CRYL1: variants seen among roughly 807,000 people sequenced by gnomAD.
CRYL1 encodes crystallin lambda 1.
In CRYL1, 29 loss-of-function variants were observed where a neutral mutation model predicts 36.6. That is an observed-to-expected ratio of 0.79 (90% CI 0.59 to 1.08). The LOEUF is 1.08. Ranked by LOEUF, CRYL1 falls within the 50% of genes least tolerant of loss-of-function variation. CRYL1 has a pLI of 0.00. For missense variants in CRYL1, 411 were observed against 407.9 expected, an observed-to-expected ratio of 1.01 and a Z score of -0.06; for synonymous variants, 152 against 151.5, an observed-to-expected ratio of 1.00 and a Z score of -0.02.
chr13:20,449,573 A>G (rs1178130980), intron 3 of CRYL1, among the ~76,000 whole-genome samples: 2 of 152,168 alleles, frequency 1.3e-5, no homozygotes, highest in Non-Finnish European at 2.9e-5. Flanking sequence ...AACACATCAA[A>G]TAGAAGACAG....
intron 3 of CRYL1, among the ~76,000 whole-genome samples, chr13:20,445,018 T>C (rs1330458501): frequency 6.6e-6 from 1 of 152,206 alleles, no homozygotes; most frequent in Admixed American, 6.5e-5. Flanking sequence ...AACAAATCCT[T>C]TTTTATTTTT....
chr13:20,451,881 G>C (rs1266727477), intron 3 of CRYL1, among the ~76,000 whole-genome samples: 2 of 152,002 alleles, frequency 1.3e-5, no homozygotes, highest in Non-Finnish European at 2.9e-5. Context: ...AATCAACTTA[G>C]GTACCCATCA....
chr13:20,444,215 T>C (rs2032407067), intron 3 of CRYL1, among the ~76,000 whole-genome samples: 1 of 152,210 alleles, frequency 6.6e-6, no homozygotes, highest in Non-Finnish European at 1.5e-5. Context: ...TACAGGCAAC[T>C]AACTGCACTA....
At chr13:20,473,870 A>G (rs1476098551) in intron 3 of CRYL1, among the ~76,000 whole-genome samples, 1 of 152,254 alleles carries the variant, frequency 6.6e-6, no homozygotes, top group Non-Finnish European at 1.5e-5. Context: ...GAAAGTACCA[A>G]AAACACAGCA....
chr13:20,504,589 T>C (rs1565986490), intron 2 of CRYL1, among the ~76,000 whole-genome samples: 1 of 152,008 alleles, frequency 6.6e-6, no homozygotes, highest in Non-Finnish European at 1.5e-5. Context: ...TTGCTTTTCT[T>C]CTTAAAACAC....
chr13:20,477,384 C>T (rs2033187270), intron 3 of CRYL1, among the ~76,000 whole-genome samples: 1 of 151,240 alleles, frequency 6.6e-6, no homozygotes, highest in Non-Finnish European at 1.5e-5. Context: ...AAACTAGGCA[C>T]TGTTTTAGGT....
Position 20,505,359 on chromosome 13 carries a change from C to CAAAAAAAAAAAAAAAAAAAAAAAA in CRYL1, c.149+7083_149+7084insTTTTTTTTTTTTTTTTTTTTTTTT, listed in dbSNP as rs61380702. 4.6e-4 allele frequency among the ~76,000 whole-genome samples: 42 copies of CAAAAAAAAAAAAAAAAAAAAAAAA among 91,218 alleles called. 2 individuals are homozygous for CAAAAAAAAAAAAAAAAAAAAAAAA. Among genetic ancestry groups the CAAAAAAAAAAAAAAAAAAAAAAAA allele is most frequent in the Non-Finnish European group, 6.9e-4 (30 of 43,644 alleles). 59.8% of individuals were successfully genotyped at this position (91,218 alleles called of 152,430 possible). A position where few individuals can be genotyped will look rare whatever the true frequency, so the allele number is the denominator to read the frequency against. ...GCAACAAAGTGAGACTCTATCCCACCAAAAAAAAAAAAAAAAAAAAAAATC... is the reference window on the plus strand; with the variant it reads ...GCAACAAAGTGAGACTCTATCCCACCAAAAAAAAAAAAAAAAAAAAAAAAAAAAAAAAAAAAAAAAAAAAAAATC... On this transcript the variant is annotated intron_variant, in intron 2 of 7. Transcript: ENST00000298248.
At chr13:20,405,808 G>C (rs3794382) in intron 6 of CRYL1, 3,361 of 152,518 alleles carry the variant, frequency 0.022, 129 homozygotes, top group Admixed American at 0.097. Flanking sequence ...TAGGCTGACT[G>C]TGCGAGAATG....
At chr13:20,518,691 A>G (rs1384260697) in intron 1 of CRYL1, among the ~76,000 whole-genome samples, 1 of 152,190 alleles carries the variant, frequency 6.6e-6, no homozygotes, top group East Asian at 1.9e-4. Context: ...CAAAGATGGA[A>G]GTCAGGAGAC....
intron 2 of CRYL1, among the ~76,000 whole-genome samples, chr13:20,499,828 T>C (rs116312918): frequency 0.011 from 1,723 of 152,348 alleles, 48 homozygotes; most frequent in African/African-American, 0.04. Flanking sequence ...TAAATTGTTG[T>C]ATCCCACAGA....
At chr13:20,431,077 C>T in intron 5 of CRYL1, 1 of 985,442 alleles carries the variant, frequency 1.0e-6, no homozygotes, top group Non-Finnish European at 1.2e-6. Flanking sequence ...GACAATGTAC[C>T]TAACGGGGAT....
intron 3 of CRYL1, among the ~76,000 whole-genome samples, chr13:20,482,587 G>A (rs1485504965): frequency 6.6e-6 from 1 of 152,232 alleles, no homozygotes; most frequent in Non-Finnish European, 1.5e-5. Flanking sequence ...AGAGTATTAG[G>A]AAACGTCCTG....
At chr13:20,507,168 G>A (rs555760557) in intron 2 of CRYL1, among the ~76,000 whole-genome samples, 2 of 152,280 alleles carry the variant, frequency 1.3e-5, no homozygotes, top group African/African-American at 4.8e-5. Context: ...TTCAGTCTCA[G>A]GTATGTCTTT....
At chr13:20,489,271 C>T in intron 3 of CRYL1, 99 bp downstream of exon 3, 1 of 1,452,364 alleles carries the variant, frequency 6.9e-7, no homozygotes, top group Middle Eastern at 2.4e-4. Flanking sequence ...GCAAAATGCC[C>T]ACACCTGCCA....
intron 5 of CRYL1, among the ~76,000 whole-genome samples, chr13:20,428,480 CA>C (rs1045385318): frequency 6.6e-5 from 10 of 151,238 alleles, no homozygotes; most frequent in African/African-American, 2.2e-4. Context: ...AATTTAGATG[CA>C]AAAAAAAATT....
chr13:20,426,253 A>C (rs965249420), intron 5 of CRYL1, among the ~76,000 whole-genome samples: 3 of 148,620 alleles, frequency 2.0e-5, no homozygotes, highest in African/African-American at 7.5e-5. Context: ...GTTTGTTTTT[A>C]ATTAAAAGTG....
In CRYL1 at chr13:20,422,135, G is replaced by A. The variant is rs1012852720; in HGVS notation, c.634-8748C>T. ...GCACTTTGGGAGGCCAAGGCAGGCC[G>A]ATCATTTGAGGTCAGGAGTTCAAGA... On this transcript the variant is annotated intron_variant, in intron 5 of 7. Coordinates refer to ENST00000298248, the MANE Select transcript of CRYL1 (RefSeq NM_015974.3). 1.1e-4 allele frequency among the ~76,000 whole-genome samples: 16 copies of A among 152,064 alleles called. 1 individual carries two copies. Among genetic ancestry groups the A allele is most frequent in the Admixed American group, 2.0e-4 (3 of 15,264 alleles).
Position 20,420,700 on chromosome 13 carries a change from G to GTTTTTTTTTTTTTTTTTTTTTTTTT in CRYL1, c.634-7314_634-7313insAAAAAAAAAAAAAAAAAAAAAAAAA, listed in dbSNP as rs5802072. ...CCTTTGACTTTTCTTTAAAATAGAG[G>GTTTTTTTTTTTTTTTTTTTTTTTTT]TTGTGTGTGTGTGTGTGTGTGTGTG... On this transcript the variant is annotated intron_variant, in intron 5 of 7. Transcript: ENST00000298248. Among the ~76,000 whole-genome samples the GTTTTTTTTTTTTTTTTTTTTTTTTT allele has an allele frequency of 5.5e-5, 2 of 36,428 alleles. 1 individual carries two copies. The highest frequency in any genetic ancestry group is 1.4e-4 in the Non-Finnish European group (2 of 13,970). 23.9% of individuals were successfully genotyped at this position (36,428 alleles called of 152,430 possible). A position where few individuals can be genotyped will look rare whatever the true frequency, so the allele number is the denominator to read the frequency against.
intron 5 of CRYL1, among the ~76,000 whole-genome samples, chr13:20,420,344 C>T (rs957352052): frequency 6.6e-6 from 1 of 152,144 alleles, no homozygotes; most frequent in Non-Finnish European, 1.5e-5. Flanking sequence ...CGGGTCTCCC[C>T]TCTGGGAGGC....
Sources: allele counts gnomAD v4.1 joint callset (sites outside exome capture counted in the v4.1 genomes callset), GRCh38; gene constraint gnomAD v4.1.1; transcripts MANE v1.5; gene names NCBI Gene and HGNC (gene_info 2026-07-23, HGNC 2026-07-21).